Variants in RPRD2 observed in about 807,000 individuals in gnomAD.
The protein encoded by RPRD2 is regulation of nuclear pre-mRNA domain containing 2, also known as regulation of nuclear pre-mRNA domain-containing protein 2.
In RPRD2, 12 loss-of-function variants were observed where a neutral mutation model predicts 104.4. That is an observed-to-expected ratio of 0.11 (90% CI 0.07 to 0.19). The LOEUF (loss-of-function observed/expected upper bound fraction) is 0.19, where lower values mean the gene tolerates loss of function less well. RPRD2 is among the 10% of genes least tolerant of loss of function. RPRD2 has a pLI of 1.00. For missense variants in RPRD2, 1,543 were observed against 1,790.1 expected (o/e 0.86, Z 2.49); for synonymous variants, 714 against 684.9 (o/e 1.04, Z -0.66).
intron 1 of RPRD2, among the ~76,000 whole-genome samples, chr1:150,367,563 A>G: frequency 7.3e-6 from 1 of 136,328 alleles, no homozygotes; most frequent in East Asian, 2.0e-4. Flanking sequence ...ATTTATATTT[A>G]GACCTCAGTA....
intron 1 of RPRD2, among the ~76,000 whole-genome samples, chr1:150,370,349 C>T (rs1416096848): frequency 6.6e-6 from 1 of 152,116 alleles, no homozygotes; most frequent in Non-Finnish European, 1.5e-5. Context: ...CTCAGTTTTT[C>T]ATCTATAAGT....
At chr1:150,451,573 G>A (rs1254858431) in intron 7 of RPRD2, among the ~76,000 whole-genome samples, 4 of 151,740 alleles carry the variant, frequency 2.6e-5, no homozygotes, top group African/African-American at 9.7e-5. Flanking sequence ...TACTTGGGAG[G>A]CTGAGGCAGG....
chr1:150,385,338 G>T (rs781925777), intron 1 of RPRD2, among the ~76,000 whole-genome samples: 1 of 152,058 alleles, frequency 6.6e-6, no homozygotes, highest in Non-Finnish European at 1.5e-5. Flanking sequence ...TTAGTCGGGC[G>T]TGGTGGCATG....
chr1:150,438,207 T>A (rs1337490783), intron 2 of RPRD2, among the ~76,000 whole-genome samples: 1 of 152,050 alleles, frequency 6.6e-6, no homozygotes, highest in Admixed American at 6.6e-5. Context: ...GAAGAATCGC[T>A]TGAACTTGGG....
intron 7 of RPRD2, among the ~76,000 whole-genome samples, chr1:150,450,357 A>C (rs1239049968): frequency 3.3e-5 from 5 of 152,014 alleles, no homozygotes; most frequent in Non-Finnish European, 5.9e-5. Flanking sequence ...CTGTAATCCC[A>C]GCACTTTAGG....
chr1:150,372,991 T>G (rs142103635), intron 1 of RPRD2, among the ~76,000 whole-genome samples: 10 of 152,128 alleles, frequency 6.6e-5, no homozygotes, highest in African/African-American at 2.4e-4. Flanking sequence ...GTGAGCCATT[T>G]AAGCAAAAGG....
intron 1 of RPRD2, among the ~76,000 whole-genome samples, chr1:150,395,365 T>TTGTGTGTGTGTGTGTGTGTGTGTGTG (rs10524632): frequency 8.3e-5 from 12 of 144,174 alleles, no homozygotes; most frequent in African/African-American, 2.6e-4. Context: ...TAGTATTCCA[T>TTGTGTGTGTGTGTGTGTGTGTGTGTG]TGTGTGTGTG....
intron 3 of RPRD2, 152 bp downstream of exon 3, chr1:150,441,175 G>C: frequency 2.0e-6 from 1 of 492,954 alleles, no homozygotes; most frequent in Non-Finnish European, 3.5e-6. Context: ...GAAAAATCTA[G>C]ATCTGTTTGA....
rs978961843 is a variant in RPRD2 at position 150,410,891 on chromosome 1, T to A, written c.206-6705T>A. 2.6e-5 allele frequency among the ~76,000 whole-genome samples: 4 copies of A among 152,286 alleles called. No homozygotes were observed. The East Asian group carries it at 7.7e-4, about 29-fold the overall frequency. ...TGAGGGCTCAGGGCTCCTTCCTGGC[T>A]TTAGTCTGTCACACAGACTAGAGTA... On this transcript the variant is annotated intron_variant, in intron 1 of 10. Transcript: ENST00000369068.
chr1:150,369,368 C>T (rs587644420), intron 1 of RPRD2, among the ~76,000 whole-genome samples: 8 of 151,216 alleles, frequency 5.3e-5, no homozygotes, highest in South Asian at 4.2e-4. Flanking sequence ...CTGCAACCTC[C>T]GCCTCCTGGG....
intron 7 of RPRD2, among the ~76,000 whole-genome samples, chr1:150,448,001 T>C (rs1255261719): frequency 1.3e-5 from 2 of 152,226 alleles, no homozygotes; most frequent in African/African-American, 4.8e-5. Flanking sequence ...TGTAACTGTT[T>C]TAAATCTGTT....
At chr1:150,457,259 A>T in intron 7 of RPRD2, 29 bp from the exon 8 acceptor site, 1 of 1,580,124 alleles carries the variant, frequency 6.3e-7, no homozygotes, top group Non-Finnish European at 8.6e-7. Flanking sequence ...GTCTTTTTCC[A>T]AGGAGTAAAC....
At chr1:150,384,682 T>TGTGTG (rs200494207) in intron 1 of RPRD2, among the ~76,000 whole-genome samples, 6 of 125,278 alleles carry the variant, frequency 4.8e-5, no homozygotes, top group East Asian at 2.1e-4. Context: ...TGTGTGTGTG[T>TGTGTG]TTTTAGTAGA....
chr1:150,437,930 T>C (rs1666119973), intron 2 of RPRD2, among the ~76,000 whole-genome samples: 1 of 150,972 alleles, frequency 6.6e-6, no homozygotes, highest in East Asian at 1.9e-4. Context: ...ACAGACTCTG[T>C]TGTCACTTCT....
At chr1:150,460,595 G>A (rs1667864586) in intron 9 of RPRD2, among the ~76,000 whole-genome samples, 1 of 151,940 alleles carries the variant, frequency 6.6e-6, no homozygotes, top group South Asian at 2.1e-4. Flanking sequence ...TAGAGATGGG[G>A]TTTCACCATG....
At position 150,473,574 on chromosome 1, in the gene RPRD2, A is replaced by AAAAAAAAAAAAAAAAAAAAAAAAAC. The variant is rs1668745005; in HGVS notation, c.*245_*246insAAAAAAAAAAAAAAAAAAACAAAAA. 4.2e-6 allele frequency: 1 copy of AAAAAAAAAAAAAAAAAAAAAAAAAC among 239,964 alleles called. No individual in the cohort carries two copies. The highest frequency in any genetic ancestry group is 8.3e-6 in the Non-Finnish European group (1 of 120,642). The allele number at this position is 239,964 out of a possible 1,614,324, so 14.9% of individuals were successfully genotyped here. A position where few individuals can be genotyped will look rare whatever the true frequency, so the allele number is the denominator to read the frequency against. On this transcript the variant is annotated 3_prime_UTR_variant, in exon 11 of 11. Coordinates refer to ENST00000369068, the MANE Select transcript of RPRD2 (RefSeq NM_015203.5). ...TTTGTATTAAAAAAAAAAAAAAAAA[A>AAAAAAAAAAAAAAAAAAAAAAAAAC]AAAAAGTAAAGAAACACAACCAAAG...
intron 7 of RPRD2, among the ~76,000 whole-genome samples, chr1:150,455,395 A>G (rs1553897357): frequency 6.6e-6 from 1 of 151,982 alleles, no homozygotes; most frequent in African/African-American, 2.4e-5. Flanking sequence ...CCAGCTACTC[A>G]GGAGGCTGAG....
intron 1 of RPRD2, among the ~76,000 whole-genome samples, chr1:150,401,957 A>T (rs77274355): frequency 0.36 from 38,173 of 106,652 alleles, 5,762 homozygotes; most frequent in Middle Eastern, 0.43. Flanking sequence ...TTTTTTTTTT[A>T]ATTTTTTTTT....
Position 150,472,426 on chromosome 1 carries a change from A to G in RPRD2, c.3478A>G (p.Thr1160Ala). The G allele has an allele frequency of 6.2e-7, 1 of 1,613,944 alleles. No individual in the cohort carries two copies. Among genetic ancestry groups the G allele is most frequent in the Non-Finnish European group, 8.5e-7 (1 of 1,179,878 alleles). ...SLGGGGSGGL[T>A]GFKTAPYKER... is the part of the protein sequence containing the mutation. ...TGGGGGTGGGGGCAGCGGAGGCCTC[A>G]CTGGCTTTAAAACAGCACCATACAA... The change falls in exon 11 of 11, where the codon ACT becomes GCT. Residue 1160 changes from threonine to alanine, a missense_variant. Physicochemically the swap from Thr to Ala is moderately conservative, Grantham distance 58. Coordinates refer to ENST00000369068, the MANE Select transcript of RPRD2 (RefSeq NM_015203.5).
Sources: allele counts gnomAD v4.1 joint callset (sites outside exome capture counted in the v4.1 genomes callset), GRCh38; gene constraint gnomAD v4.1.1; transcripts MANE v1.5; gene names NCBI Gene and HGNC (gene_info 2026-07-23, HGNC 2026-07-21).